The following EED variants were observed in gnomAD, a reference collection of about 807,000 sequenced individuals.
EED encodes the protein embryonic ectoderm development, also known as polycomb protein EED.
A neutral mutation model predicts 61.0 loss-of-function variants in EED; 9 were observed. That is an observed-to-expected ratio of 0.15 (90% confidence interval 0.09 to 0.26). The LOEUF is 0.26. EED is among the 10% of genes least tolerant of loss of function. EED has a pLI of 1.00. For synonymous variants in EED, 187 were observed against 174.4 expected (o/e 1.07, Z -0.57); for missense variants, 315 against 542.3 (o/e 0.58, Z 4.16).
At chr11:86,262,606 A>G (rs536823613) in intron 6 of EED, among the ~76,000 whole-genome samples, 2 of 152,114 alleles carry the variant, frequency 1.3e-5, no homozygotes, top group East Asian at 1.9e-4. Context: ...TGCCGGCACC[A>G]TGCCAGTGAT....
chr11:86,264,210 C>G lies in EED; in HGVS notation c.673C>G (p.Leu225Val). ...ATTATGGAATATCCAGACGGACACT[C>G]TGGTGGCAATATTTGGAGGCGTAGA... Reference protein sequence around the residue: ...LRLWNIQTDTLVAIFGGVEGH... With the variant: ...LRLWNIQTDTVVAIFGGVEGH... The change falls in exon 7 of 12, where the codon CTG becomes GTG. Residue 225 changes from leucine to valine, a missense_variant. Leu to Val is a conservative substitution (Grantham distance 32, BLOSUM62 1). Transcript: ENST00000263360. The G allele has an allele frequency of 6.2e-7, 1 of 1,613,942 alleles. No individual in the cohort carries two copies. Among genetic ancestry groups the G allele is most frequent in the Non-Finnish European group, 8.5e-7 (1 of 1,179,952 alleles).
At chr11:86,256,564 T>C in intron 5 of EED, 52 bp downstream of exon 5, 1 of 1,451,328 alleles carries the variant, frequency 6.9e-7, no homozygotes, top group South Asian at 1.5e-5. Flanking sequence ...TCCACAACTG[T>C]AAAAACTTGT....
chr11:86,245,037 C>T lies in EED; in HGVS notation c.-193C>T, dbSNP rs1945350632. 4.1e-6 allele frequency: 2 copies of T among 493,660 alleles called. No homozygotes were observed. The highest frequency in any genetic ancestry group is 4.4e-5 in the Admixed American group (1 of 22,960). 30.6% of individuals were successfully genotyped at this position (493,660 alleles called of 1,614,324 possible). The stretch of plus-strand genomic sequence containing the variant: ...CGCGGGAGGGCGCGCGCGCGCGCCC[C>T]TTTTTCAGCAGTGTGGCGGGGTCGC... On this transcript the variant is annotated 5_prime_UTR_variant, in exon 1 of 12. Transcript: ENST00000263360.
Position 86,278,255 on chromosome 11 carries a change from C to A in EED, c.1200-144C>A, listed in dbSNP as rs200314520. The A allele has an allele frequency of 2.6e-5, 35 of 1,367,884 alleles. No homozygotes were observed. In the East Asian group the frequency reaches 8.2e-4, roughly 32 times the overall value. 84.7% of individuals were successfully genotyped at this position (1,367,884 alleles called of 1,614,324 possible). ...TATCTAAATTTTATAAAATTTGAGA[C>A]TGAGCTCTTAGTGAAGTATATTCTG... On this transcript the variant is annotated intron_variant, in intron 11 of 11. Transcript: ENST00000263360.
chr11:86,272,921 GT>G (rs1313129027), intron 9 of EED, among the ~76,000 whole-genome samples: 2 of 151,990 alleles, frequency 1.3e-5, no homozygotes, highest in African/African-American at 4.8e-5. Context: ...TTCTCTCTGA[GT>G]TTTTTCCCCC....
At chr11:86,272,739 T>C (rs1387659922) in intron 9 of EED, among the ~76,000 whole-genome samples, 3 of 152,224 alleles carry the variant, frequency 2.0e-5, no homozygotes, top group Non-Finnish European at 2.9e-5. Flanking sequence ...TTTTTCAAAC[T>C]TTTAATCTAT....
chr11:86,286,971 C>CAA, the EED span, among the ~76,000 whole-genome samples: 1,177 of 66,732 alleles, frequency 0.018, 35 homozygotes, highest in African/African-American at 0.03. Flanking sequence ...GACTCCGTCT[C>CAA]AAAAAAAAAA....
chr11:86,245,417 G>T (rs565170468), intron 1 of EED, 74 bp downstream of exon 1: 279 of 1,244,372 alleles, frequency 2.2e-4, no homozygotes, highest in Non-Finnish European at 3.0e-4. Context: ...GGGGCGCGGG[G>T]ACGAGCGGGC....
At position 86,254,212 on chromosome 11, in the gene EED, A is replaced by C. The variant is rs904995372; in HGVS notation, c.361-1010A>C. ...AGTTAATGTTTGATTATCTGTACCC[A>C]TGAGAAAATAATTCATTAAGCAAAT... On this transcript the variant is annotated intron_variant, in intron 3 of 11. Transcript: ENST00000263360. Among the ~76,000 whole-genome samples, 6 of 152,104 alleles carry C rather than the reference A, an allele frequency of 3.9e-5. No individual in the cohort carries two copies. In the South Asian group the frequency reaches 1.2e-3, roughly 32 times the overall value.
At chr11:86,269,586 G>A (rs1946062156) in intron 9 of EED, among the ~76,000 whole-genome samples, 1 of 152,064 alleles carries the variant, frequency 6.6e-6, no homozygotes, top group African/African-American at 2.4e-5. Flanking sequence ...TTCATAGGAT[G>A]TTTCAAAGAT....
chr11:86,246,908 T>G (rs2138120699), intron 1 of EED, among the ~76,000 whole-genome samples: 1 of 152,292 alleles, frequency 6.6e-6, no homozygotes, highest in Non-Finnish European at 1.5e-5. Flanking sequence ...TTTGTAAGCA[T>G]TAAATGAGTT....
chr11:86,254,319 T>A (rs1168649699), intron 3 of EED, among the ~76,000 whole-genome samples: 1 of 150,988 alleles, frequency 6.6e-6, no homozygotes, highest in Non-Finnish European at 1.5e-5. Flanking sequence ...TTTTATTTTT[T>A]ATGGTTTTTT....
chr11:86,270,092 G>A lies in EED; in HGVS notation c.966+1531G>A, dbSNP rs1023860960. On this transcript the variant is annotated intron_variant, in intron 9 of 11. Transcript: ENST00000263360. ...CCAAACTATTTTCCAGAGTGGCCGT[G>A]CCATTTTACATTCCCACCAGCAATG... is the stretch of plus-strand genomic sequence containing the variant. The A allele has an allele frequency of 3.0e-5, 21 of 699,218 alleles. No homozygotes were observed. In the East Asian group the frequency reaches 5.4e-4, roughly 18 times the overall value. 43.3% of individuals were successfully genotyped at this position (699,218 alleles called of 1,614,324 possible).
At chr11:86,276,905 A>G (rs1279903848) in intron 9 of EED, 75 bp from the exon 10 acceptor site, 1 of 1,317,522 alleles carries the variant, frequency 7.6e-7, no homozygotes, top group Non-Finnish European at 1.0e-6. Flanking sequence ...AAAACAATAG[A>G]AAAGCCTTGT....
intron 4 of EED, among the ~76,000 whole-genome samples, chr11:86,255,544 T>C (rs11234594): frequency 0.33 from 50,355 of 151,876 alleles, 9,171 homozygotes; most frequent in Non-Finnish European, 0.41. Context: ...GGTGCAGATG[T>C]CTATAGAGAT....
intron 6 of EED, among the ~76,000 whole-genome samples, chr11:86,258,555 G>GT (rs563888569): frequency 0.045 from 5,947 of 130,724 alleles, 297 homozygotes; most frequent in African/African-American, 0.12. Flanking sequence ...TTGTTTTTTG[G>GT]TTTTTTTTTT....
chr11:86,262,160 G>A (rs541954616), intron 6 of EED, among the ~76,000 whole-genome samples: 3 of 152,238 alleles, frequency 2.0e-5, no homozygotes, highest in South Asian at 2.1e-4. Context: ...GGGATTACAG[G>A]TGTGAGCCAC....
intron 3 of EED, among the ~76,000 whole-genome samples, chr11:86,253,698 T>A (rs1044143620): frequency 2.0e-5 from 3 of 152,154 alleles, no homozygotes; most frequent in African/African-American, 7.2e-5. Context: ...TCAGAGGTCT[T>A]CAGTACTATT....
At chr11:86,286,299 C>T in the EED span, among the ~76,000 whole-genome samples, 7,889 of 152,124 alleles carry the variant, frequency 0.052, 286 homozygotes, top group East Asian at 0.14. Context: ...CCTCAGCCTC[C>T]CAAAGTGCTG....
Sources: gnomAD v4.1 joint callset for allele counts (sites outside exome capture counted in the v4.1 genomes callset) on GRCh38, gnomAD v4.1.1 for gene constraint, MANE v1.5 for transcripts, NCBI Gene and HGNC (gene_info 2026-07-23, HGNC 2026-07-21) for gene names.